The following GOLPH3 variants were observed in gnomAD, a reference collection of about 807,000 sequenced individuals.
The protein encoded by GOLPH3 is coat protein GPP34.
A neutral mutation model predicts 28.5 loss-of-function variants in GOLPH3; 14 were observed. That is an observed-to-expected ratio of 0.49 (90% CI 0.32 to 0.77). The LOEUF is 0.77. Ranked by LOEUF, GOLPH3 falls within the 30% of genes least tolerant of loss-of-function variation. The probability of loss-of-function intolerance (pLI) is 0.03; values close to 1 mark genes in which losing one functional copy is unlikely to be tolerated. For synonymous variants in GOLPH3, 158 were observed against 159.2 expected, an observed-to-expected ratio of 0.99 and a Z score of 0.06; for missense variants, 350 against 393.7, an observed-to-expected ratio of 0.89 and a Z score of 0.94.
chr5:32,162,491 CAA>C (rs397967914), intron 1 of GOLPH3, among the ~76,000 whole-genome samples: 3 of 103,632 alleles, frequency 2.9e-5, no homozygotes, highest in Non-Finnish European at 4.0e-5. Context: ...GACTCCGTCT[CAA>C]AAAAAAAAAA....
At chr5:32,171,003 A>G (rs1746821574) in intron 1 of GOLPH3, among the ~76,000 whole-genome samples, 1 of 152,170 alleles carries the variant, frequency 6.6e-6, no homozygotes, top group Non-Finnish European at 1.5e-5. Flanking sequence ...GCAAAGTATA[A>G]TGAGTGACTC....
chr5:32,169,733 A>G (rs531022384), intron 1 of GOLPH3, among the ~76,000 whole-genome samples: 72 of 152,242 alleles, frequency 4.7e-4, no homozygotes, highest in African/African-American at 1.7e-3. Context: ...CTCCCCCTCA[A>G]ACACTGGGTC....
At chr5:32,160,635 G>A (rs1746550716) in intron 1 of GOLPH3, among the ~76,000 whole-genome samples, 1 of 152,206 alleles carries the variant, frequency 6.6e-6, no homozygotes, top group Non-Finnish European at 1.5e-5. Context: ...AGGCAAAAAG[G>A]ATGTGAGAGC....
intron 3 of GOLPH3, among the ~76,000 whole-genome samples, chr5:32,127,819 T>C (rs1745716055): frequency 6.6e-6 from 1 of 152,102 alleles, no homozygotes; most frequent in Non-Finnish European, 1.5e-5. Context: ...GAAATCTCCA[T>C]AAAATATACG....
Position 32,126,157 on chromosome 5 carries a change from A to T in GOLPH3, c.*55T>A, listed in dbSNP as rs1745673102. The T allele has an allele frequency of 6.6e-7, 1 of 1,506,956 alleles. No homozygotes were observed. Among genetic ancestry groups the T allele is most frequent in the Admixed American group, 2.1e-5 (1 of 48,294 alleles). The allele number at this position is 1,506,956 out of a possible 1,614,324, so 93.3% of individuals were successfully genotyped here. A position where few individuals can be genotyped will look rare whatever the true frequency, so the allele number is the denominator to read the frequency against. ...ATTACAGAAAACCAGAAGTCAACAG[A>T]AGAAAAACTACTGGTTTACTTGAGA... On this transcript the variant is annotated 3_prime_UTR_variant, in exon 4 of 4. Coordinates refer to ENST00000265070, the MANE Select transcript of GOLPH3 (RefSeq NM_022130.4).
rs1745677911 is a variant in GOLPH3, at chr5:32,126,298, G to A, written c.811C>T (p.Leu271Phe). The A allele has an allele frequency of 6.2e-7, 1 of 1,614,192 alleles. No individual in the cohort carries two copies. Among genetic ancestry groups the A allele is most frequent in the Non-Finnish European group, 8.5e-7 (1 of 1,180,032 alleles). The change falls in exon 4 of 4, where the codon CTT becomes TTT. Residue 271 changes from leucine to phenylalanine, a missense_variant. Physicochemically the swap from Leu to Phe is conservative, Grantham distance 22 (BLOSUM62 0). Coordinates refer to ENST00000265070, the MANE Select transcript of GOLPH3 (RefSeq NM_022130.4). ...YDLATKRVRQ[L>F]LDLDPEVECL... ...TCCACTTCAGGGTCTAAGTCGAGAA[G>A]CTGCCGCACTCTCTTGGTAGCCAAA... is the stretch of plus-strand genomic sequence containing the variant.
chr5:32,135,073 C>A (rs1392085936), intron 3 of GOLPH3, among the ~76,000 whole-genome samples: 2 of 152,126 alleles, frequency 1.3e-5, no homozygotes, highest in African/African-American at 4.8e-5. Flanking sequence ...AAACATGAAC[C>A]ACATGTCATT....
chr5:32,161,357 T>C (rs6880420), intron 1 of GOLPH3, among the ~76,000 whole-genome samples: 80,421 of 142,252 alleles, frequency 0.57, 23,554 homozygotes, highest in Admixed American at 0.65. Flanking sequence ...TGAGCAGAGA[T>C]CACACCACTG....
At chr5:32,126,730 C>T in intron 3 of GOLPH3, 94 bp from the exon 4 acceptor site, 9 of 980,500 alleles carry the variant, frequency 9.2e-6, no homozygotes, top group African/African-American at 1.6e-5. Context: ...CTGATTTTGC[C>T]CCAAGAAAAA....
intron 3 of GOLPH3, among the ~76,000 whole-genome samples, chr5:32,128,681 A>T (rs2111833608): frequency 6.6e-6 from 1 of 152,222 alleles, no homozygotes; most frequent in East Asian, 1.9e-4. Flanking sequence ...AAACAAAAAC[A>T]AAAAATTAAA....
chr5:32,132,308 T>A (rs1745841352), intron 3 of GOLPH3, among the ~76,000 whole-genome samples: 1 of 152,316 alleles, frequency 6.6e-6, no homozygotes, highest in African/African-American at 2.4e-5. Flanking sequence ...AGCCCCTGGG[T>A]ATCCTCCACC....
intron 1 of GOLPH3, among the ~76,000 whole-genome samples, chr5:32,147,737 T>G (rs113530182): frequency 2.0e-5 from 3 of 152,146 alleles, no homozygotes; most frequent in Admixed American, 2.0e-4. Flanking sequence ...TGGCAGTAAT[T>G]TGACAGAGGC....
intron 1 of GOLPH3, among the ~76,000 whole-genome samples, chr5:32,151,949 T>A (rs1253022745): frequency 6.6e-6 from 1 of 152,152 alleles, no homozygotes; most frequent in African/African-American, 2.4e-5. Flanking sequence ...TCCCAGGGAC[T>A]GTGGAGAGAA....
At chr5:32,134,811 ACT>A (rs1187758432) in intron 3 of GOLPH3, 3 of 152,062 alleles carry the variant, frequency 2.0e-5, no homozygotes, top group African/African-American at 7.2e-5. Context: ...TCCCACTCCC[ACT>A]GTTTCACTTG....
At chr5:32,135,773 A>G in intron 2 of GOLPH3, 87 bp from the exon 3 acceptor site, 2 of 732,912 alleles carry the variant, frequency 2.7e-6, no homozygotes, top group Non-Finnish European at 4.7e-6. Context: ...AATTATATAA[A>G]TAATTCATTA....
intron 1 of GOLPH3, among the ~76,000 whole-genome samples, chr5:32,147,299 C>G (rs933655108): frequency 3.9e-5 from 6 of 152,140 alleles, no homozygotes; most frequent in African/African-American, 1.4e-4. Flanking sequence ...TTACAGTATA[C>G]TTTTAACAGC....
intron 1 of GOLPH3, among the ~76,000 whole-genome samples, chr5:32,153,974 T>C (rs552279834): frequency 6.6e-6 from 1 of 152,336 alleles, no homozygotes; most frequent in Admixed American, 6.5e-5. Flanking sequence ...TCCAGGACAT[T>C]GTGTTGGCCT....
At chr5:32,138,285 A>C (rs1180034609) in intron 2 of GOLPH3, among the ~76,000 whole-genome samples, 2 of 152,190 alleles carry the variant, frequency 1.3e-5, no homozygotes, top group Non-Finnish European at 2.9e-5. Context: ...TCTTATAAAA[A>C]ATTAAAAATA....
At chr5:32,162,224 G>A (rs1166593414) in intron 1 of GOLPH3, among the ~76,000 whole-genome samples, 22 of 150,914 alleles carry the variant, frequency 1.5e-4, no homozygotes, top group Non-Finnish European at 2.9e-5. Flanking sequence ...CAGGCGTGGT[G>A]GCTCACGCCT....
Sources: allele counts gnomAD v4.1 joint callset (sites outside exome capture counted in the v4.1 genomes callset), GRCh38; gene constraint gnomAD v4.1.1; transcripts MANE v1.5; gene names NCBI Gene and HGNC (gene_info 2026-07-23, HGNC 2026-07-21).